The following LILRB4 variants were observed in gnomAD, a reference collection of about 807,000 sequenced individuals.
LILRB4 encodes leukocyte immunoglobulin-like receptor subfamily B member 4.
A neutral mutation model predicts 55.2 loss-of-function variants in LILRB4; 49 were observed. The observed-to-expected ratio is 0.89, with a 90% CI of 0.71 to 1.13. The LOEUF is 1.13. Among genes scored for constraint, LILRB4 ranks in the 50% most tolerant of loss-of-function variants. The probability of loss-of-function intolerance (pLI) is 0.00; values close to 1 mark genes in which losing one functional copy is unlikely to be tolerated. For synonymous variants in LILRB4, 229 were observed against 213.8 expected (o/e 1.07, Z -0.62); for missense variants, 590 against 555.2 (o/e 1.06, Z -0.63).
At chr19:54,668,165 C>A in exon 12 of LILRB4, 1 of 835,174 alleles carries the variant, frequency 1.2e-6, no homozygotes. Flanking sequence ...TTGGGAGTCA[C>A]CTGATTCTGC....
At position 54,664,497 on chromosome 19, in the gene LILRB4, G is replaced by A. The variant is rs1223419423; in HGVS notation, c.655+12G>A. 2 of 1,585,926 alleles carry A rather than the reference G, an allele frequency of 1.3e-6. No individual in the cohort carries two copies. Among genetic ancestry groups the A allele is most frequent in the South Asian group, 1.2e-5 (1 of 85,252 alleles). On this transcript the variant is annotated intron_variant, in intron 4 of 11. Transcript: ENST00000430952. ...GCTCATAGTCTCAGGTGAGGCTCCT[G>A]ACCCTGTCCTCTCTGAGCTCAGTGG...
intron 1 of LILRB4, 127 bp downstream of exon 1, chr19:54,663,194 C>A: frequency 9.0e-7 from 1 of 1,110,294 alleles, no homozygotes; most frequent in Non-Finnish European, 1.3e-6. Flanking sequence ...CGCCTGTAAT[C>A]CCAGCACTTT....
In LILRB4 at chr19:54,667,859, C is replaced by G. The variant is rs1307407877; in HGVS notation, c.1198-14C>G. ...CCCACCACGTTCCTTCCCTCTCACT[C>G]TCCCCCGCTGCAGGCTGCTGCATCT... On this transcript the variant is annotated splice_polypyrimidine_tract_variant and intron_variant, in intron 11 of 11. Coordinates refer to ENST00000430952, the Ensembl canonical transcript of LILRB4. 11 of 1,609,676 alleles carry G rather than the reference C, an allele frequency of 6.8e-6. No individual in the cohort carries two copies. Among genetic ancestry groups the G allele is most frequent in the Non-Finnish European group, 9.3e-6 (11 of 1,178,724 alleles).
chr19:54,664,181 C>G lies in LILRB4; in HGVS notation c.356-5C>G. On this transcript the variant is annotated splice_polypyrimidine_tract_variant and splice_region_variant and intron_variant, in intron 3 of 11. Coordinates refer to ENST00000430952, the Ensembl canonical transcript of LILRB4. ...CATTTAACACGGTGCCTCCTTCTCT[C>G]CTAGGAGCCTACAGTAAACCCACCC... 6.2e-7 allele frequency: 1 copy of G among 1,610,724 alleles called. No individual in the cohort carries two copies. Among genetic ancestry groups the G allele is most frequent in the Non-Finnish European group, 8.5e-7 (1 of 1,178,026 alleles).
At position 54,666,679 on chromosome 19, in the gene LILRB4, C is replaced by T. The variant is rs2065280682; in HGVS notation, c.989-18C>T. 17 of 1,613,516 alleles carry T rather than the reference C, an allele frequency of 1.1e-5. No individual in the cohort carries two copies. The highest frequency in any genetic ancestry group is 1.4e-5 in the Non-Finnish European group (16 of 1,179,628). On this transcript the variant is annotated intron_variant, in intron 9 of 11. Transcript: ENST00000430952. This position sits in a 1 kb window ranked among gnomAD's most constrained non-coding sequence, Gnocchi z 4.8. ...GGGAACCTTCCCAGGAGATGAACCC[C>T]TTGCTCTACCCCAGCAGGTGCTGCC...
chr19:54,666,131 A>G lies in LILRB4; in HGVS notation c.875-109A>G, dbSNP rs2065250681. The G allele has an allele frequency of 7.8e-7, 1 of 1,283,570 alleles. No individual in the cohort carries two copies. Among genetic ancestry groups the G allele is most frequent in the African/African-American group, 1.5e-5 (1 of 66,992 alleles). The allele number at this position is 1,283,570 out of a possible 1,614,324, so 79.5% of individuals were successfully genotyped here. On this transcript the variant is annotated intron_variant, in intron 7 of 11. Coordinates refer to ENST00000430952, the Ensembl canonical transcript of LILRB4. The surrounding 1 kb of genome is among the most constrained non-coding windows in gnomAD (Gnocchi z 4.8). Reference sequence around the variant, plus strand: ...GTTTTTCTAAACTTAGAAAGTATTTAAAACATCCTTGCAAGTGTATTTTCA... The same window carrying G: ...GTTTTTCTAAACTTAGAAAGTATTTGAAACATCCTTGCAAGTGTATTTTCA...
Position 54,666,234 on chromosome 19 carries a change from C to A in LILRB4, c.875-6C>A. 2.5e-6 allele frequency: 4 copies of A among 1,587,422 alleles called. No homozygotes were observed. Among genetic ancestry groups the A allele is most frequent in the Non-Finnish European group, 3.4e-6 (4 of 1,167,960 alleles). On this transcript the variant is annotated splice_polypyrimidine_tract_variant and splice_region_variant and intron_variant, in intron 7 of 11. Coordinates refer to ENST00000430952, the Ensembl canonical transcript of LILRB4. The surrounding 1 kb of genome is among the most constrained non-coding windows in gnomAD (Gnocchi z 4.8). ...CAGAGCTGAGACTCTGTCCATCTTC[C>A]CCCAGCCCAGAGACAGGCTGATTTC...
In LILRB4 at chr19:54,666,740, G is replaced by A. The variant is rs746620223; in HGVS notation, c.1032G>A (p.Met344Ile). The change falls in exon 10 of 12, where the codon ATG (methionine) becomes ATA (isoleucine). Residue 344 changes from methionine (M) to isoleucine (I), a missense_variant. Transcript: ENST00000430952. The surrounding 1 kb of genome is among the most constrained non-coding windows in gnomAD (Gnocchi z 4.8). ...CACAGCCTGAGGACGGGGTGGAAAT[G>A]GACACTCGGGTGAGAACCCGCCCCT... The A allele has an allele frequency of 5.0e-6, 8 of 1,614,134 alleles. No individual in the cohort carries two copies. The South Asian group carries it at 8.8e-5, about 18-fold the overall frequency.
At position 54,665,744 on chromosome 19, in the gene LILRB4, CAG is replaced by C. The variant is rs1161031684; in HGVS notation, c.758-70_758-69del. On this transcript the variant is annotated intron_variant, in intron 6 of 11. Coordinates refer to ENST00000430952, the Ensembl canonical transcript of LILRB4. This position sits in a 1 kb window ranked among gnomAD's most constrained non-coding sequence, Gnocchi z 5.5. ...TAATGAAAGAAAGACCCAGCACACA[CAG>C]TAGGTGCACACACAGTAGGTGTGCA... The C allele has an allele frequency of 4.6e-6, 7 of 1,515,544 alleles. No individual in the cohort carries two copies. The East Asian group carries it at 7.4e-5, about 16-fold the overall frequency. 93.9% of individuals were successfully genotyped at this position (1,515,544 alleles called of 1,614,324 possible). A position where few individuals can be genotyped will look rare whatever the true frequency, so the allele number is the denominator to read the frequency against.
intron 10 of LILRB4, 44 bp from the exon 11 acceptor site, chr19:54,667,591 G>A: frequency 1.2e-6 from 2 of 1,607,614 alleles, no homozygotes; most frequent in Non-Finnish European, 1.7e-6. Flanking sequence ...ACTCCAGGGA[G>A]TCAGGAGGAT....
chr19:54,663,897 C>G (rs1446558047), exon 3 of LILRB4: 1 of 1,614,162 alleles, frequency 6.2e-7, no homozygotes, highest in Admixed American at 1.7e-5. Flanking sequence ...CTGGGACAGA[C>G]AGAACCCACT....
exon 1 of LILRB4, chr19:54,663,043 A>G: frequency 1.2e-6 from 2 of 1,613,600 alleles, no homozygotes; most frequent in Non-Finnish European, 1.7e-6. Context: ...CATGATCCCC[A>G]CCTTCACGGC....
chr19:54,665,225 G>A lies in LILRB4; in HGVS notation c.757+45G>A. 6.5e-7 allele frequency: 1 copy of A among 1,550,186 alleles called. No homozygotes were observed. The highest frequency in any genetic ancestry group is 8.7e-7 in the Non-Finnish European group (1 of 1,143,204). ...TGGGAGGTGGGCAGGGTCTAGGGGA[G>A]CCAAGGGTGGGTTCTGTCCTAGGTT... is the stretch of plus-strand genomic sequence containing the variant. On this transcript the variant is annotated intron_variant, in intron 6 of 11. Coordinates refer to ENST00000430952, the Ensembl canonical transcript of LILRB4. The surrounding 1 kb of genome is among the most constrained non-coding windows in gnomAD (Gnocchi z 5.5).
At chr19:54,664,060 C>T (rs1481809082) in intron 3 of LILRB4, 22 bp downstream of exon 3, 7 of 1,609,908 alleles carry the variant, frequency 4.3e-6, no homozygotes, top group Non-Finnish European at 5.1e-6. Context: ...CTCAGGGGTC[C>T]CAGCCCCAGG....
chr19:54,665,939 G>A lies in LILRB4; in HGVS notation c.874+8G>A. 1 of 1,613,982 alleles carries A rather than the reference G, an allele frequency of 6.2e-7. No individual in the cohort carries two copies. The highest frequency in any genetic ancestry group is 1.1e-5 in the South Asian group (1 of 91,054). ...GAAAACACAGGACATTGGGTAAGTA[G>A]GAAATTGGGGGACCCGTGGGCTGAT... On this transcript the variant is annotated splice_region_variant and intron_variant, in intron 7 of 11. Coordinates refer to ENST00000430952, the Ensembl canonical transcript of LILRB4. The surrounding 1 kb of genome is among the most constrained non-coding windows in gnomAD (Gnocchi z 5.5).
exon 12 of LILRB4, chr19:54,668,120 C>T: frequency 7.3e-7 from 1 of 1,368,020 alleles, no homozygotes; most frequent in East Asian, 2.3e-5. Flanking sequence ...CCAGCCCAGA[C>T]CCCTGACACA....
rs762455976 is a variant in LILRB4 at position 54,666,203 on chromosome 19, C to A, written c.875-37C>A. 2.0e-6 allele frequency: 3 copies of A among 1,538,116 alleles called. No individual in the cohort carries two copies. Among genetic ancestry groups the A allele is most frequent in the Non-Finnish European group, 2.6e-6 (3 of 1,143,374 alleles). The stretch of plus-strand genomic sequence containing the variant: ...GCATGTGCAAGGCAGGTGGTTCTAA[C>A]GTTCCCAGAGCTGAGACTCTGTCCA... On this transcript the variant is annotated intron_variant, in intron 7 of 11. Transcript: ENST00000430952. The surrounding 1 kb of genome is among the most constrained non-coding windows in gnomAD (Gnocchi z 4.8).
At chr19:54,663,811 A>C (rs1255438755) in exon 3 of LILRB4, 29 of 1,614,064 alleles carry the variant, frequency 1.8e-5, no homozygotes, top group Non-Finnish European at 2.5e-5. Context: ...AGCTGGGGGA[A>C]CTCTGTGACC....
downstream of LILRB4, chr19:54,668,399 A>G (rs1401388791): frequency 1.5e-5 from 3 of 198,530 alleles, no homozygotes; most frequent in Non-Finnish European, 3.1e-5. Flanking sequence ...TCTTGAAAAC[A>G]TTAATGATAC....
Sources: gnomAD v4.1 joint callset for allele counts on GRCh38, gnomAD v4.1.1 for gene constraint, Gnocchi (gnomAD v3.1) non-coding constraint, MANE v1.5 for transcripts, NCBI Gene and HGNC (gene_info 2026-07-23, HGNC 2026-07-21) for gene names.